The following DAB1 variants were observed in gnomAD, a reference collection of about 807,000 sequenced individuals.
The protein encoded by DAB1 is disabled homolog 1.
DAB1 carries 15 observed loss-of-function variants against 64.6 expected under a neutral mutation model. The ratio of observed to expected loss-of-function variants is 0.23; its 90% CI spans 0.16 to 0.36. The LOEUF (loss-of-function observed/expected upper bound fraction) is 0.36. Ranked by LOEUF, DAB1 falls within the 10% of genes least tolerant of loss-of-function variation. The pLI is 1.00. For missense variants in DAB1, 596 were observed against 706.7 expected (o/e 0.84, Z 1.78); for synonymous variants, 235 against 251.9 (o/e 0.93, Z 0.64).
At chr1:57,121,982 G>A (rs564759284) in intron 4 of DAB1, among the ~76,000 whole-genome samples, 18 of 152,218 alleles carry the variant, frequency 1.2e-4, no homozygotes, top group South Asian at 2.1e-4. Context: ...TAGCCCCTCC[G>A]ATATTTTCAG....
chr1:58,422,996 C>T (rs1041570193), intron 3 of DAB1, among the ~76,000 whole-genome samples: 14 of 152,152 alleles, frequency 9.2e-5, no homozygotes, highest in African/African-American at 3.4e-4. Context: ...TGAGATGCTG[C>T]AGCACAGAAA....
chr1:57,837,024 T>A (rs1021761718), intron 1 of DAB1, among the ~76,000 whole-genome samples: 1 of 152,102 alleles, frequency 6.6e-6, no homozygotes, highest in African/African-American at 2.4e-5. Flanking sequence ...TTCTAATCCA[T>A]CACAAAACCC....
At chr1:57,133,989 T>C (rs1317667522) in intron 4 of DAB1, among the ~76,000 whole-genome samples, 1 of 152,212 alleles carries the variant, frequency 6.6e-6, no homozygotes, top group East Asian at 1.9e-4. Flanking sequence ...GATATGACTT[T>C]AAGAGAAAAC....
chr1:58,147,335 C>T (rs1440904854), intron 5 of DAB1, among the ~76,000 whole-genome samples: 2 of 139,460 alleles, frequency 1.4e-5, no homozygotes, highest in African/African-American at 2.7e-5. Context: ...AAAGTACAGC[C>T]ACGCCAGGCG....
chr1:58,132,215 G>A (rs1256452878), intron 5 of DAB1, among the ~76,000 whole-genome samples: 3 of 152,124 alleles, frequency 2.0e-5, no homozygotes, highest in Non-Finnish European at 4.4e-5. Flanking sequence ...GGAGTGACCC[G>A]ATTTTCCAGG....
At chr1:57,243,913 T>C (rs1668678438) in intron 2 of DAB1, among the ~76,000 whole-genome samples, 1 of 152,152 alleles carries the variant, frequency 6.6e-6, no homozygotes, top group Non-Finnish European at 1.5e-5. Flanking sequence ...TTCATCCGTA[T>C]CTCTTGCTAT....
intron 4 of DAB1, among the ~76,000 whole-genome samples, chr1:58,296,901 G>A (rs1483647233): frequency 6.6e-6 from 1 of 152,098 alleles, no homozygotes; most frequent in Non-Finnish European, 1.5e-5. Flanking sequence ...TACTTCATAG[G>A]GTTGTCCAGA....
At chr1:58,112,491 C>A (rs765413223) in intron 5 of DAB1, among the ~76,000 whole-genome samples, 5 of 152,088 alleles carry the variant, frequency 3.3e-5, no homozygotes, top group South Asian at 2.1e-4. Flanking sequence ...CTGTGTAATC[C>A]CAAACCTGAG....
At chr1:57,607,017 C>T (rs1332482595) in intron 7 of DAB1, among the ~76,000 whole-genome samples, 1 of 151,254 alleles carries the variant, frequency 6.6e-6, no homozygotes, top group Non-Finnish European at 1.5e-5. Flanking sequence ...GAACTCCTGA[C>T]CTCAGATGAT....
intron 7 of DAB1, among the ~76,000 whole-genome samples, chr1:57,497,071 T>C (rs1328347990): frequency 6.6e-6 from 1 of 152,222 alleles, no homozygotes; most frequent in African/African-American, 2.4e-5. Context: ...CTCCTGATTC[T>C]TTCCATATCA....
At chr1:57,932,601 A>G (rs1644969684) in intron 5 of DAB1, among the ~76,000 whole-genome samples, 2 of 151,238 alleles carry the variant, frequency 1.3e-5, no homozygotes, top group Admixed American at 6.6e-5. Flanking sequence ...TGTTTATCTT[A>G]TGTAGTTTGA....
At chr1:57,572,068 C>T (rs985852065) in intron 7 of DAB1, among the ~76,000 whole-genome samples, 1 of 152,158 alleles carries the variant, frequency 6.6e-6, no homozygotes, top group Non-Finnish European at 1.5e-5. Flanking sequence ...GCGAGTGGCA[C>T]TAGCAGTAAA....
At chr1:57,477,217 G>T (rs544647919) in intron 7 of DAB1, among the ~76,000 whole-genome samples, 1 of 152,244 alleles carries the variant, frequency 6.6e-6, no homozygotes, top group Admixed American at 6.5e-5. Flanking sequence ...TTGATATTTT[G>T]ATTTTATGAC....
At chr1:57,675,907 G>A (rs1646560912) in intron 6 of DAB1, among the ~76,000 whole-genome samples, 1 of 152,136 alleles carries the variant, frequency 6.6e-6, no homozygotes. Context: ...AGAAGAAATA[G>A]AAACAAATTT....
upstream of DAB1, among the ~76,000 whole-genome samples, chr1:57,888,923 G>A (rs752675633): frequency 4.6e-5 from 7 of 152,188 alleles, no homozygotes; most frequent in Non-Finnish European, 8.8e-5. Context: ...TCCTCTGTGG[G>A]TAGCCCTGTT....
intron 4 of DAB1, among the ~76,000 whole-genome samples, chr1:58,230,475 T>C (rs1173169357): frequency 2.6e-5 from 4 of 152,168 alleles, no homozygotes; most frequent in African/African-American, 9.6e-5. Context: ...CCTGCCTTCC[T>C]TGTGCTTAGA....
chr1:57,505,169 C>A (rs997656384), intron 7 of DAB1, among the ~76,000 whole-genome samples: 1 of 152,058 alleles, frequency 6.6e-6, no homozygotes, highest in African/African-American at 2.4e-5. Context: ...CTGAGTGTGG[C>A]TTATATGGGA....
At chr1:58,043,542 G>C (rs918029690) in intron 5 of DAB1, among the ~76,000 whole-genome samples, 3 of 152,156 alleles carry the variant, frequency 2.0e-5, no homozygotes, top group Admixed American at 2.0e-4. Context: ...CATGACCCAT[G>C]ATGTCCTCAC....
chr1:58,527,130 C>G (rs1646364616), intron 2 of DAB1: 9 of 601,560 alleles, frequency 1.5e-5, no homozygotes, highest in Non-Finnish European at 2.4e-5. Context: ...TCTAGATTAA[C>G]AGAAATTACA....
Sources: gnomAD v4.1 joint callset for allele counts (sites outside exome capture counted in the v4.1 genomes callset) on GRCh38, gnomAD v4.1.1 for gene constraint, MANE v1.5 for transcripts, NCBI Gene and HGNC (gene_info 2026-07-23, HGNC 2026-07-21) for gene names.